Variants in TRIO observed in about 807,000 individuals in gnomAD.
The protein encoded by TRIO is triple functional domain protein.
Under a neutral mutation model 351.9 loss-of-function variants are expected in TRIO, and 58 were observed. That is an observed-to-expected ratio of 0.16 (90% CI 0.13 to 0.21). The LOEUF (loss-of-function observed/expected upper bound fraction) is 0.21. Ranked by LOEUF, TRIO falls within the 10% of genes least tolerant of loss-of-function variation. The pLI, the probability that TRIO is intolerant of heterozygous loss-of-function variation, is 1.00. For missense variants in TRIO, 3,201 were observed against 4,027.8 expected (o/e 0.79, Z 5.56); for synonymous variants, 1,758 against 1,595.7 (o/e 1.10, Z -2.42).
At chr5:14,340,581 A>G (rs2152322609) in intron 11 of TRIO, among the ~76,000 whole-genome samples, 1 of 152,178 alleles carries the variant, frequency 6.6e-6, no homozygotes, top group African/African-American at 2.4e-5. Context: ...TTTTGCAATA[A>G]ATTCCTGGCC....
intron 21 of TRIO, among the ~76,000 whole-genome samples, chr5:14,386,691 G>A (rs1579501695): frequency 1.3e-5 from 2 of 152,304 alleles, no homozygotes; most frequent in East Asian, 1.9e-4. Context: ...TTGCCAAATG[G>A]TATATATAAC....
At chr5:14,437,426 T>C (rs1478149093) in intron 34 of TRIO, among the ~76,000 whole-genome samples, 1 of 152,176 alleles carries the variant, frequency 6.6e-6, no homozygotes, top group Admixed American at 6.5e-5. Flanking sequence ...TATATTCCAT[T>C]TGGAGTATAG....
intron 45 of TRIO, chr5:14,482,279 C>G (rs919961181): frequency 5.2e-6 from 1 of 192,102 alleles, no homozygotes. Flanking sequence ...CTGCTGGCGA[C>G]CCAGGGACCA....
At chr5:14,280,069 T>C (rs1041259308) in intron 2 of TRIO, among the ~76,000 whole-genome samples, 1 of 152,262 alleles carries the variant, frequency 6.6e-6, no homozygotes, top group South Asian at 2.1e-4. Flanking sequence ...AAGGAGTTTT[T>C]CCCAAAACAT....
rs1251161492 is a variant in TRIO at position 14,388,594 on chromosome 5, C to A, written c.3882-19C>A. The A allele has an allele frequency of 6.2e-7, 1 of 1,608,844 alleles. No homozygotes were observed. Among genetic ancestry groups the A allele is most frequent in the Non-Finnish European group, 8.5e-7 (1 of 1,178,414 alleles). ...AGCTGCACCCTGACTGTACTCCTCA[C>A]TGTCTTCCTCTCTTTAAGGTTCATA... On this transcript the variant is annotated intron_variant, in intron 23 of 56. Coordinates refer to ENST00000344204, the MANE Select transcript of TRIO (RefSeq NM_007118.4).
At chr5:14,292,974 T>C (rs375891690) in intron 5 of TRIO, 38 bp from the exon 6 acceptor site, 37 of 1,613,404 alleles carry the variant, frequency 2.3e-5, no homozygotes, top group Non-Finnish European at 3.0e-5. Context: ...AATTTCTCTT[T>C]CTGGAGTGAT....
At chr5:14,263,762 A>AG (rs1201674131) in intron 1 of TRIO, among the ~76,000 whole-genome samples, 3 of 152,168 alleles carry the variant, frequency 2.0e-5, no homozygotes, top group African/African-American at 7.2e-5. Context: ...TGTATGGGTA[A>AG]GGGGATGTAT....
chr5:14,269,058 G>A (rs1795846990), intron 1 of TRIO, among the ~76,000 whole-genome samples: 1 of 152,184 alleles, frequency 6.6e-6, no homozygotes, highest in African/African-American at 2.4e-5. Context: ...AAAGCATGGT[G>A]CATTGGAAAG....
chr5:14,280,335 A>G lies in TRIO; in HGVS notation c.246A>G (p.Lys82=), dbSNP rs760407090. ...TTTGTTTTTTAGGTGGGAGAGATAA[A>G]CGTGGAGGTCCCATTTTAACGTTTC... ...KVAYLSGGRD[K]RGGPILTFPA... Residue 82 remains lysine, a synonymous_variant, in exon 3 of 57, where the codon AAA becomes AAG. Transcript: ENST00000344204. 7 of 1,614,112 alleles carry G rather than the reference A, an allele frequency of 4.3e-6. No individual in the cohort carries two copies. Among genetic ancestry groups the G allele is most frequent in the Non-Finnish European group, 5.9e-6 (7 of 1,179,974 alleles).
intron 33 of TRIO, among the ~76,000 whole-genome samples, chr5:14,419,330 T>C (rs1438943525): frequency 6.6e-6 from 1 of 152,160 alleles, no homozygotes; most frequent in African/African-American, 2.4e-5. Flanking sequence ...GCCCATTGCC[T>C]GTTCAGTCCC....
chr5:14,349,024 A>C (rs370128949), intron 11 of TRIO, among the ~76,000 whole-genome samples: 2 of 111,962 alleles, frequency 1.8e-5, no homozygotes. Flanking sequence ...TTGTGTGTTT[A>C]TTTATGTGTA....
intron 2 of TRIO, among the ~76,000 whole-genome samples, chr5:14,275,074 G>T (rs1735380664): frequency 1.3e-5 from 2 of 152,072 alleles, no homozygotes; most frequent in Admixed American, 1.3e-4. Flanking sequence ...AATGAGAAAT[G>T]ATATCGTGAC....
intron 8 of TRIO, among the ~76,000 whole-genome samples, chr5:14,313,884 T>C (rs1166930342): frequency 6.6e-6 from 1 of 152,204 alleles, no homozygotes; most frequent in Non-Finnish European, 1.5e-5. Context: ...GCCACTCATA[T>C]ATGTAAGCAA....
intron 1 of TRIO, among the ~76,000 whole-genome samples, chr5:14,260,492 A>G (rs1011926190): frequency 1.3e-5 from 2 of 152,234 alleles, no homozygotes; most frequent in African/African-American, 4.8e-5. Flanking sequence ...CAAGCGATTA[A>G]ACACAATTCT....
intron 1 of TRIO, among the ~76,000 whole-genome samples, chr5:14,157,204 T>A (rs1046941092): frequency 6.6e-6 from 1 of 152,146 alleles, no homozygotes. Flanking sequence ...CTGCCCTTCA[T>A]TGACTAAATA....
At chr5:14,253,725 T>C (rs975766065) in intron 1 of TRIO, among the ~76,000 whole-genome samples, 2 of 152,208 alleles carry the variant, frequency 1.3e-5, no homozygotes, top group Admixed American at 1.3e-4. Flanking sequence ...AGGGACCCCT[T>C]GGGTTCCCTA....
intron 1 of TRIO, among the ~76,000 whole-genome samples, chr5:14,213,666 G>A (rs991652291): frequency 6.6e-6 from 1 of 152,226 alleles, no homozygotes; most frequent in African/African-American, 2.4e-5. Context: ...ATTAAGCACA[G>A]GAGAGAACTG....
At chr5:14,400,899 T>A in intron 30 of TRIO, 64 bp from the exon 31 acceptor site, 2 of 1,495,208 alleles carry the variant, frequency 1.3e-6, no homozygotes, top group South Asian at 1.2e-5. Context: ...GTTTCCTTGG[T>A]CTCTGTTCTG....
chr5:14,400,839 T>C, intron 30 of TRIO, 124 bp from the exon 31 acceptor site: 1 of 754,032 alleles, frequency 1.3e-6, no homozygotes. Context: ...ACAGCTGAGA[T>C]CACTAGTGAC....
Sources: allele counts gnomAD v4.1 joint callset (sites outside exome capture counted in the v4.1 genomes callset), GRCh38; gene constraint gnomAD v4.1.1; transcripts MANE v1.5; gene names NCBI Gene and HGNC (gene_info 2026-07-23, HGNC 2026-07-21).